Variants in RYR3 observed in about 807,000 individuals in gnomAD.
RYR3 encodes the protein ryanodine receptor 3.
A neutral mutation model predicts 584.3 loss-of-function variants in RYR3; 207 were observed. The observed-to-expected ratio is 0.35, with a 90% CI of 0.32 to 0.40. The LOEUF (loss-of-function observed/expected upper bound fraction) is 0.40. RYR3 is among the 10% of genes least tolerant of loss of function. RYR3 has a pLI of 1.00. For synonymous variants in RYR3, 2,416 were observed against 2,248.5 expected (o/e 1.07, Z -2.11); for missense variants, 5,616 against 6,089.2 (o/e 0.92, Z 2.59).
intron 85 of RYR3, among the ~76,000 whole-genome samples, chr15:33,830,064 A>G (rs1567265353): frequency 6.6e-6 from 1 of 152,220 alleles, no homozygotes. Context: ...AACATTGTTG[A>G]AATGCCAAAA....
At chr15:33,480,225 G>A (rs552789717) in intron 2 of RYR3, among the ~76,000 whole-genome samples, 3 of 152,214 alleles carry the variant, frequency 2.0e-5, no homozygotes, top group Non-Finnish European at 2.9e-5. Context: ...GAGTCAGACT[G>A]CCTGGACTGG....
intron 32 of RYR3, among the ~76,000 whole-genome samples, chr15:33,658,320 C>T (rs895981436): frequency 7.2e-5 from 11 of 152,222 alleles, no homozygotes; most frequent in South Asian, 4.1e-4. Flanking sequence ...CCCCGCCTTC[C>T]GCCCCCAAGA....
At position 33,865,617 on chromosome 15, in the gene RYR3, C is replaced by T. The variant is rs1360413530; in HGVS notation, c.*391C>T. 2 of 153,696 alleles carry T rather than the reference C, an allele frequency of 1.3e-5. No individual in the cohort carries two copies. Among genetic ancestry groups the T allele is most frequent in the African/African-American group, 5.4e-5 (2 of 36,922 alleles). 9.5% of individuals were successfully genotyped at this position (153,696 alleles called of 1,614,324 possible). A position where few individuals can be genotyped will look rare whatever the true frequency, so the allele number is the denominator to read the frequency against. ...ACTTGAATGTCATCATGGTATCCAA[C>T]TTGTGACTCATAGGGTCTGAACTCA... On this transcript the variant is annotated 3_prime_UTR_variant, in exon 104 of 104. Transcript: ENST00000634891.
At chr15:33,699,878 A>G in intron 41 of RYR3, 45 bp downstream of exon 41, 2 of 1,593,616 alleles carry the variant, frequency 1.3e-6, no homozygotes, top group Non-Finnish European at 8.6e-7. Flanking sequence ...CTCGAAGGTT[A>G]CACTCCCCCT....
chr15:33,723,369 TA>T (rs1422078981), intron 44 of RYR3, among the ~76,000 whole-genome samples: 1 of 152,164 alleles, frequency 6.6e-6, no homozygotes, highest in Non-Finnish European at 1.5e-5. Context: ...AATAAATAAA[TA>T]AATAAACCAG....
intron 1 of RYR3, among the ~76,000 whole-genome samples, chr15:33,370,324 C>T (rs961778129): frequency 6.6e-6 from 1 of 152,224 alleles, no homozygotes; most frequent in Non-Finnish European, 1.5e-5. Context: ...TACCTCTCAA[C>T]CTGTTACTGA....
chr15:33,726,461 G>T lies in RYR3; in HGVS notation c.6988G>T (p.Val2330Phe). Reference protein sequence around the residue: ...LRSLVPTEDLVGIISIPLKLP... With the variant: ...LRSLVPTEDLFGIISIPLKLP... ...CTCCCTGGTCCCCACAGAAGACCTG[G>T]TTGGGATCATCAGCATCCCCTTGAA... Residue 2330 changes from valine (V) to phenylalanine (F), a missense_variant, in exon 46 of 104, where the codon GTT becomes TTT. Val to Phe is a conservative substitution (Grantham distance 50). Around this residue, in one of 9 missense-constraint regions of RYR3, gnomAD observed 1,280 missense variants for 1,426.2 expected, o/e 0.90. Coordinates refer to ENST00000634891, the MANE Select transcript of RYR3 (RefSeq NM_001036.6). The T allele has an allele frequency of 6.2e-7, 1 of 1,608,024 alleles. No individual in the cohort carries two copies. Among genetic ancestry groups the T allele is most frequent in the South Asian group, 1.1e-5 (1 of 89,576 alleles).
At chr15:33,572,652 TATATATAC>T in intron 12 of RYR3, among the ~76,000 whole-genome samples, 1 of 122,364 alleles carries the variant, frequency 8.2e-6, no homozygotes, top group South Asian at 2.6e-4. Flanking sequence ...AAAAAAAAAC[TATATATAC>T]ACACACACAC....
At chr15:33,845,874 G>A (rs1260734072) in intron 93 of RYR3, among the ~76,000 whole-genome samples, 1 of 152,210 alleles carries the variant, frequency 6.6e-6, no homozygotes, top group African/African-American at 2.4e-5. Context: ...AAACTCAGTG[G>A]TCTAAAATGA....
At chr15:33,799,487 A>G (rs1814929685) in intron 67 of RYR3, among the ~76,000 whole-genome samples, 1 of 152,234 alleles carries the variant, frequency 6.6e-6, no homozygotes, top group South Asian at 2.1e-4. Context: ...ATGTTGCTGA[A>G]CACACAAAGG....
chr15:33,546,266 C>T (rs2056229786), intron 8 of RYR3, among the ~76,000 whole-genome samples: 1 of 152,162 alleles, frequency 6.6e-6, no homozygotes, highest in Admixed American at 6.5e-5. Flanking sequence ...TGAGCCACTT[C>T]ACCCTCTTCT....
At chr15:33,505,979 T>C (rs922332898) in intron 3 of RYR3, among the ~76,000 whole-genome samples, 5 of 152,328 alleles carry the variant, frequency 3.3e-5, no homozygotes, top group Middle Eastern at 3.4e-3. Flanking sequence ...GAGAATTATT[T>C]CTTGGTTAAT....
At chr15:33,832,277 G>C (rs2077729751) in intron 86 of RYR3, among the ~76,000 whole-genome samples, 1 of 149,120 alleles carries the variant, frequency 6.7e-6, no homozygotes, top group Admixed American at 6.7e-5. Context: ...CTGGGCGACA[G>C]AGCAAGACTC....
At chr15:33,695,436 T>A (rs11363538) in intron 38 of RYR3, among the ~76,000 whole-genome samples, 2 of 124,056 alleles carry the variant, frequency 1.6e-5, no homozygotes, top group South Asian at 2.2e-4. Context: ...AAAATTTCCG[T>A]AAAACCAGTA....
At position 33,766,288 on chromosome 15, in the gene RYR3, GAAAAA is replaced by G. The variant is rs66478931; in HGVS notation, c.8706-2361_8706-2357del. The stretch of plus-strand genomic sequence containing the variant: ...AGACAGTGAGTCTCCACCTCAAAAA[GAAAAA>G]AAAAAAAAGAAAAAAAGAAAAACCA... On this transcript the variant is annotated intron_variant, in intron 60 of 103. Transcript: ENST00000634891. Among the ~76,000 whole-genome samples the G allele has an allele frequency of 2.7e-3, 364 of 134,078 alleles. 1 individual carries two copies. Among genetic ancestry groups the G allele is most frequent in the Admixed American group, 5.8e-3 (75 of 12,944 alleles). The allele number at this position is 134,078 out of a possible 152,430, so 88.0% of individuals were successfully genotyped here. A position where few individuals can be genotyped will look rare whatever the true frequency, so the allele number is the denominator to read the frequency against.
At chr15:33,747,171 A>G (rs2070810898) in intron 53 of RYR3, among the ~76,000 whole-genome samples, 1 of 152,104 alleles carries the variant, frequency 6.6e-6, no homozygotes, top group Non-Finnish European at 1.5e-5. Flanking sequence ...TCAAGAAAAT[A>G]TGGTTAAGAG....
At chr15:33,799,410 C>T (rs1596655587) in intron 67 of RYR3, among the ~76,000 whole-genome samples, 1 of 151,786 alleles carries the variant, frequency 6.6e-6, no homozygotes. Flanking sequence ...CCAGGGGTTT[C>T]ACCAATCATG....
intron 1 of RYR3, among the ~76,000 whole-genome samples, chr15:33,369,635 TTATC>T (rs1976034141): frequency 6.6e-6 from 1 of 152,194 alleles, no homozygotes; most frequent in Non-Finnish European, 1.5e-5. Context: ...TCTTCATCAT[TTATC>T]TATCTAATTT....
chr15:33,773,477 G>C, intron 63 of RYR3, 57 bp from the exon 64 acceptor site: 2 of 1,255,910 alleles, frequency 1.6e-6, no homozygotes. Context: ...TCCTCTTCAT[G>C]GATCCTTTCT....
Sources: allele counts gnomAD v4.1 joint callset (sites outside exome capture counted in the v4.1 genomes callset), GRCh38; gene constraint gnomAD v4.1.1; regional missense constraint gnomAD v4.1.1; transcripts MANE v1.5; gene names NCBI Gene and HGNC (gene_info 2026-07-23, HGNC 2026-07-21).